Variants in CTNND2 observed in about 807,000 individuals in gnomAD.
CTNND2 encodes catenin delta-2.
In CTNND2, 22 loss-of-function variants were observed where a neutral mutation model predicts 144.4. The observed-to-expected ratio is 0.15, with a 90% CI of 0.11 to 0.22. The LOEUF is 0.22. CTNND2 is among the 10% of genes least tolerant of loss of function. The pLI, the probability that CTNND2 is intolerant of heterozygous loss-of-function variation, is 1.00. For synonymous variants in CTNND2, 751 were observed against 695.6 expected (o/e 1.08, Z -1.25); for missense variants, 1,353 against 1,618.8 (o/e 0.84, Z 2.82).
chr5:11,031,448 A>G (rs1743466161), intron 16 of CTNND2, among the ~76,000 whole-genome samples: 1 of 152,286 alleles, frequency 6.6e-6, no homozygotes, highest in South Asian at 2.1e-4. Flanking sequence ...GACCAAATAT[A>G]CTGTACTTTA....
chr5:11,190,966 G>C (rs1364609334), intron 11 of CTNND2, among the ~76,000 whole-genome samples: 1 of 152,194 alleles, frequency 6.6e-6, no homozygotes, highest in African/African-American at 2.4e-5. Context: ...AAAGCAAAGT[G>C]TCCAACTTAG....
At chr5:11,629,259 AAAC>A (rs36078228) in intron 2 of CTNND2, among the ~76,000 whole-genome samples, 11,447 of 151,872 alleles carry the variant, frequency 0.075, 894 homozygotes, top group African/African-American at 0.19. Flanking sequence ...CGGAAAAGTT[AAAC>A]AACAACAACA....
chr5:11,893,457 T>C (rs1421511161), intron 1 of CTNND2, among the ~76,000 whole-genome samples: 1 of 152,220 alleles, frequency 6.6e-6, no homozygotes, highest in East Asian at 1.9e-4. Flanking sequence ...GTCCAGTTTG[T>C]TGAATGAATG....
At chr5:11,361,877 C>T (rs1366582915) in intron 8 of CTNND2, among the ~76,000 whole-genome samples, 1 of 152,236 alleles carries the variant, frequency 6.6e-6, no homozygotes. Flanking sequence ...AGCAACTGGT[C>T]TTCGATCTTT....
At chr5:11,262,528 C>T (rs188747791) in intron 9 of CTNND2, among the ~76,000 whole-genome samples, 10 of 151,822 alleles carry the variant, frequency 6.6e-5, no homozygotes, top group East Asian at 1.9e-4. Flanking sequence ...TTTGGGAGGC[C>T]GAGGCGGGTG....
chr5:11,781,675 A>T (rs1790548079), intron 1 of CTNND2, among the ~76,000 whole-genome samples: 1 of 152,222 alleles, frequency 6.6e-6, no homozygotes, highest in South Asian at 2.1e-4. Context: ...CAATTTATAC[A>T]GTTACAAATG....
At chr5:11,302,749 T>C (rs918947121) in intron 9 of CTNND2, among the ~76,000 whole-genome samples, 1 of 152,172 alleles carries the variant, frequency 6.6e-6, no homozygotes, top group Non-Finnish European at 1.5e-5. Context: ...TGACTGATGA[T>C]AGCAGCTGGC....
At chr5:11,018,762 G>A (rs1249233565) in intron 17 of CTNND2, among the ~76,000 whole-genome samples, 1 of 148,392 alleles carries the variant, frequency 6.7e-6, no homozygotes, top group Non-Finnish European at 1.5e-5. Flanking sequence ...CTAGGCTGGA[G>A]TGCAGTGGCG....
intron 7 of CTNND2, among the ~76,000 whole-genome samples, chr5:11,379,272 A>G (rs1272807742): frequency 1.3e-5 from 2 of 152,164 alleles, no homozygotes; most frequent in Non-Finnish European, 2.9e-5. Context: ...TAAGCTGAAA[A>G]TTTATATTGC....
chr5:11,381,880 T>C (rs1034761599), intron 7 of CTNND2, among the ~76,000 whole-genome samples: 3 of 152,154 alleles, frequency 2.0e-5, no homozygotes, highest in Non-Finnish European at 2.9e-5. Context: ...GGCAGGAGAA[T>C]GGCGTAAACC....
chr5:11,370,382 C>T lies in CTNND2; in HGVS notation c.1178-5492G>A, dbSNP rs11748929. Reference sequence around the variant, plus strand: ...ACCCCCGAGCCTCCTGGTTCTAATGCTGGGATCACACTGTGAGCCATCCTG... The same window carrying T: ...ACCCCCGAGCCTCCTGGTTCTAATGTTGGGATCACACTGTGAGCCATCCTG... On this transcript the variant is annotated intron_variant, in intron 7 of 21. Coordinates refer to ENST00000304623, the MANE Select transcript of CTNND2 (RefSeq NM_001332.4). Among the ~76,000 whole-genome samples the T allele has an allele frequency of 4.4e-3, 669 of 151,998 alleles. 3 individuals are homozygous for T. Among genetic ancestry groups the T allele is most frequent in the African/African-American group, 0.014 (590 of 41,450 alleles).
chr5:11,842,461 T>G (rs1794521247), intron 1 of CTNND2, among the ~76,000 whole-genome samples: 1 of 152,114 alleles, frequency 6.6e-6, no homozygotes, highest in Non-Finnish European at 1.5e-5. Context: ...GGCTCACACC[T>G]GTAATCCCAG....
chr5:11,886,437 A>C (rs563866085), intron 1 of CTNND2, among the ~76,000 whole-genome samples: 18 of 152,302 alleles, frequency 1.2e-4, no homozygotes, highest in African/African-American at 4.1e-4. Flanking sequence ...AAAATTGGAA[A>C]ACGTAAAAGA....
At chr5:11,839,471 T>C (rs1257137741) in intron 1 of CTNND2, among the ~76,000 whole-genome samples, 1 of 152,148 alleles carries the variant, frequency 6.6e-6, no homozygotes, top group East Asian at 1.9e-4. Flanking sequence ...CTGTCTATCA[T>C]GGCTCCAGGG....
chr5:11,168,851 TA>T (rs562995998), intron 11 of CTNND2, among the ~76,000 whole-genome samples: 113 of 152,000 alleles, frequency 7.4e-4, no homozygotes, highest in African/African-American at 2.7e-3. Context: ...GAGAGAGATT[TA>T]AAGACAAAAT....
chr5:11,763,310 G>C (rs1226609498), intron 1 of CTNND2, among the ~76,000 whole-genome samples: 1 of 152,042 alleles, frequency 6.6e-6, no homozygotes, highest in Non-Finnish European at 1.5e-5. Flanking sequence ...TACAGTAAAG[G>C]CTTACATAAG....
chr5:11,766,135 C>G (rs1789575816), intron 1 of CTNND2, among the ~76,000 whole-genome samples: 1 of 152,206 alleles, frequency 6.6e-6, no homozygotes, highest in African/African-American at 2.4e-5. Flanking sequence ...ATAATTAAAT[C>G]ACATTCCAGG....
intron 1 of CTNND2, among the ~76,000 whole-genome samples, chr5:11,750,400 A>G (rs1375207271): frequency 6.6e-6 from 1 of 151,852 alleles, no homozygotes; most frequent in Non-Finnish European, 1.5e-5. Context: ...CACAGAGGAT[A>G]TGTTGCTTGA....
At chr5:11,362,398 C>T (rs556161172) in intron 8 of CTNND2, among the ~76,000 whole-genome samples, 2 of 152,202 alleles carry the variant, frequency 1.3e-5, no homozygotes, top group Admixed American at 1.3e-4. Flanking sequence ...GTTTCTGTGG[C>T]TGTGAAAATG....
Sources: gnomAD v4.1 joint callset for allele counts (sites outside exome capture counted in the v4.1 genomes callset) on GRCh38, gnomAD v4.1.1 for gene constraint, MANE v1.5 for transcripts, NCBI Gene and HGNC (gene_info 2026-07-23, HGNC 2026-07-21) for gene names.